Variants in CFAP47 observed in about 807,000 individuals in gnomAD.
The protein encoded by CFAP47 is cilia- and flagella-associated protein 47.
A neutral mutation model predicts 148.1 loss-of-function variants in CFAP47; 29 were observed. That is an observed-to-expected ratio of 0.20 (90% confidence interval 0.15 to 0.27). The LOEUF is 0.27. Among genes scored for constraint, CFAP47 ranks in the 10% least tolerant of loss-of-function variants. The pLI, the probability that CFAP47 is intolerant of heterozygous loss-of-function variation, is 1.00. For synonymous variants in CFAP47, 664 were observed against 577.3 expected (o/e 1.15, Z -2.15); for missense variants, 1,872 against 1,697.5 (o/e 1.10, Z -1.81).
rs1556009826 is a variant in CFAP47, at chrX:36,310,912, T to C, written c.8267T>C (p.Ile2756Thr). 1 of 1,142,675 alleles carries C rather than the reference T, an allele frequency of 8.8e-7. No individual in the cohort carries two copies. Among genetic ancestry groups the C allele is most frequent in the South Asian group, 1.9e-5 (1 of 51,560 alleles). 94.2% of individuals were successfully genotyped at this position (1,142,675 alleles called of 1,213,427 possible). ...PLDTERITTR[I>T]GLQSTIVIPF... is the part of the protein sequence containing the mutation. ...GACACGGAAAGAATAACCACACGCATTGGTCTTCAGTCAACTATTGTTATA... is the reference window on the plus strand; with the variant it reads ...GACACGGAAAGAATAACCACACGCACTGGTCTTCAGTCAACTATTGTTATA... The change falls in exon 56 of 64, where the codon ATT becomes ACT. Residue 2756 changes from isoleucine (I) to threonine (T), a missense_variant. Transcript: ENST00000378653.
At chrX:36,379,981 A>C (rs906822410) in intron 63 of CFAP47, among the ~76,000 whole-genome samples, 5 of 111,966 alleles carry the variant, frequency 4.5e-5, no homozygotes, top group Admixed American at 9.5e-5. Context: ...GAATTGAAAA[A>C]AAAAATGATG....
At chrX:36,152,327 C>T (rs1244941891) in intron 37 of CFAP47, among the ~76,000 whole-genome samples, 1 of 111,342 alleles carries the variant, frequency 9.0e-6, no homozygotes, top group Non-Finnish European at 1.9e-5. Context: ...GTGTAAATGA[C>T]ATTATAGTCA....
At chrX:36,262,179 G>A (rs1556000305) in intron 49 of CFAP47, among the ~76,000 whole-genome samples, 1 of 111,949 alleles carries the variant, frequency 8.9e-6, no homozygotes, top group African/African-American at 3.2e-5. Flanking sequence ...ATGGAGAATG[G>A]GATATCCATT....
rs1415764272 is a variant in CFAP47 at position 36,249,495 on chromosome X, TACA to T, written c.7333-1833_7333-1831del. Reference sequence around the variant, plus strand: ...AGAAGGAATAGAAATATGATGCACCTACAACAAGTAGAGAATTAGCATTTGTAA... The same window carrying T: ...AGAAGGAATAGAAATATGATGCACCTACAAGTAGAGAATTAGCATTTGTAA... On this transcript the variant is annotated intron_variant, in intron 48 of 63. Coordinates refer to ENST00000378653, the MANE Select transcript of CFAP47 (RefSeq NM_001304548.2). 3.6e-5 allele frequency among the ~76,000 whole-genome samples: 4 copies of T among 111,176 alleles called. No individual in the cohort carries two copies. The East Asian group carries it at 8.5e-4, about 24-fold the overall frequency.
chrX:36,289,724 C>G (rs1260228550), intron 51 of CFAP47, among the ~76,000 whole-genome samples: 1 of 112,176 alleles, frequency 8.9e-6, no homozygotes, highest in African/African-American at 3.2e-5. Flanking sequence ...TTAATATCTA[C>G]ATTAATTGCC....
chrX:36,132,316 A>G (rs1938962787), intron 33 of CFAP47, among the ~76,000 whole-genome samples: 2 of 111,958 alleles, frequency 1.8e-5, no homozygotes, highest in Non-Finnish European at 3.8e-5. Context: ...TTTCTGACAA[A>G]TGACAACTAC....
rs377523073 is a variant in CFAP47, at chrX:35,975,898, A to G, written c.2698A>G (p.Ile900Val). ...VNTGRGIAFS[I>V]CPAKGTVEAY... The stretch of plus-strand genomic sequence containing the variant: ...CACAGGAAGAGGGATAGCATTTTCT[A>G]TTTGTCCAGCTAAAGGTAACAGTTT... Residue 900 changes from isoleucine to valine, a missense_variant, in exon 15 of 64, where the codon ATT becomes GTT. Ile to Val is a conservative substitution (Grantham distance 29). Coordinates refer to ENST00000378653, the MANE Select transcript of CFAP47 (RefSeq NM_001304548.2). 2.2e-5 allele frequency: 27 copies of G among 1,208,770 alleles called. No individual in the cohort carries two copies. In the African/African-American group the frequency reaches 3.5e-4, roughly 16 times the overall value.
chrX:36,271,183 TG>T (rs1344774768), intron 49 of CFAP47, among the ~76,000 whole-genome samples: 1 of 111,988 alleles, frequency 8.9e-6, no homozygotes, highest in Non-Finnish European at 1.9e-5. Flanking sequence ...TAGGGTAGTA[TG>T]ATATTAGAGA....
intron 63 of CFAP47, among the ~76,000 whole-genome samples, chrX:36,381,126 T>C (rs1942074493): frequency 8.9e-6 from 1 of 112,035 alleles, no homozygotes; most frequent in Admixed American, 9.5e-5. Context: ...CAAATGTGTG[T>C]AGAAATAGAG....
intron 37 of CFAP47, among the ~76,000 whole-genome samples, chrX:36,156,475 T>G (rs1939368249): frequency 9.0e-6 from 1 of 111,269 alleles, no homozygotes; most frequent in Non-Finnish European, 1.9e-5. Context: ...GTCATAAAAG[T>G]GAAAGTATAA....
chrX:36,249,212 A>G (rs1231422991), intron 48 of CFAP47, among the ~76,000 whole-genome samples: 1 of 110,579 alleles, frequency 9.0e-6, no homozygotes, highest in Non-Finnish European at 1.9e-5. Flanking sequence ...TATGGAAAAT[A>G]AATCAATAGA....
In CFAP47 at chrX:36,350,030, C is replaced by T; in HGVS notation, c.8604-8C>T. 1 of 1,077,709 alleles carries T rather than the reference C, an allele frequency of 9.3e-7. No homozygotes were observed. Among genetic ancestry groups the T allele is most frequent in the Non-Finnish European group, 1.3e-6 (1 of 798,328 alleles). The allele number at this position is 1,077,709 out of a possible 1,213,427, so 88.8% of individuals were successfully genotyped here. A position where few individuals can be genotyped will look rare whatever the true frequency, so the allele number is the denominator to read the frequency against. On this transcript the variant is annotated splice_polypyrimidine_tract_variant and splice_region_variant and intron_variant, in intron 58 of 63. Transcript: ENST00000378653. ...TTGTTCCCTCTTAATATTTTAATTT[C>T]TAATTAGTATTGTGGGAATCGACAG...
chrX:36,248,496 TCACACACA>T (rs60595897), intron 48 of CFAP47, among the ~76,000 whole-genome samples: 7 of 95,472 alleles, frequency 7.3e-5, no homozygotes, highest in African/African-American at 2.3e-4. Flanking sequence ...ACATATTATA[TCACACACA>T]CACACACACA....
At chrX:36,334,982 A>T (rs12389664) in intron 57 of CFAP47, among the ~76,000 whole-genome samples, 6,343 of 110,615 alleles carry the variant, frequency 0.057, 484 homozygotes, top group African/African-American at 0.2. Flanking sequence ...ATCCAGACTC[A>T]TGGTTTTAGA....
At chrX:36,355,456 A>T (rs965441090) in intron 60 of CFAP47, among the ~76,000 whole-genome samples, 1 of 112,117 alleles carries the variant, frequency 8.9e-6, no homozygotes, top group East Asian at 2.8e-4. Flanking sequence ...AATAGCCAAG[A>T]TATAGAAACA....
intron 30 of CFAP47, among the ~76,000 whole-genome samples, chrX:36,095,458 G>C (rs1450020362): frequency 9.0e-6 from 1 of 111,697 alleles, no homozygotes; most frequent in Non-Finnish European, 1.9e-5. Context: ...AGTAGGGTTG[G>C]TATTAGTTCT....
intron 33 of CFAP47, among the ~76,000 whole-genome samples, chrX:36,108,660 C>T (rs1232410880): frequency 9.0e-6 from 1 of 111,725 alleles, no homozygotes; most frequent in Non-Finnish European, 1.9e-5. Context: ...TAGCATCAGA[C>T]TCCTGCCTAA....
At chrX:36,173,063 C>A (rs1424085537) in intron 39 of CFAP47, among the ~76,000 whole-genome samples, 2 of 111,171 alleles carry the variant, frequency 1.8e-5, no homozygotes, top group African/African-American at 3.3e-5. Flanking sequence ...TCCATTTCTT[C>A]TAGATTTTCT....
chrX:36,259,353 AAAATATAT>A (rs1378787692), intron 49 of CFAP47, among the ~76,000 whole-genome samples: 3 of 111,552 alleles, frequency 2.7e-5, no homozygotes, highest in Non-Finnish European at 5.6e-5. Flanking sequence ...ATAGATTTGC[AAAATATAT>A]AAATATATAT....
Sources: allele counts gnomAD v4.1 joint callset (sites outside exome capture counted in the v4.1 genomes callset), GRCh38; gene constraint gnomAD v4.1.1; transcripts MANE v1.5; gene names NCBI Gene and HGNC (gene_info 2026-07-23, HGNC 2026-07-21).